HTR1F: variants seen among roughly 807,000 people sequenced by gnomAD.
HTR1F encodes 5-hydroxytryptamine (serotonin) receptor 1F, G protein-coupled.
In HTR1F, 17 loss-of-function variants were observed where a neutral mutation model predicts 24.0. The ratio of observed to expected loss-of-function variants is 0.71; its 90% CI spans 0.48 to 1.06. The LOEUF (loss-of-function observed/expected upper bound fraction) is 1.06. HTR1F is among the 50% of genes least tolerant of loss of function. The pLI is 0.00. For missense variants in HTR1F, 391 were observed against 427.8 expected (o/e 0.91, Z 0.76); for synonymous variants, 186 against 156.8 (o/e 1.19, Z -1.39).
At chr3:87,843,395 T>C (rs1365000927) in intron 2 of HTR1F, among the ~76,000 whole-genome samples, 1 of 151,856 alleles carries the variant, frequency 6.6e-6, no homozygotes, top group African/African-American at 2.4e-5. Flanking sequence ...TATAATTATG[T>C]CAGATGTTTA....
At chr3:87,891,556 A>G (rs1706087023) in intron 2 of HTR1F, among the ~76,000 whole-genome samples, 1 of 152,158 alleles carries the variant, frequency 6.6e-6, no homozygotes, top group Non-Finnish European at 1.5e-5. Flanking sequence ...AAACCCTTAC[A>G]TTGCTTTTCT....
chr3:87,814,211 C>T (rs894584860), intron 1 of HTR1F, among the ~76,000 whole-genome samples: 7 of 152,158 alleles, frequency 4.6e-5, no homozygotes, highest in Non-Finnish European at 8.8e-5. Context: ...AACATCATAA[C>T]CTAGTGTATG....
At chr3:87,804,130 A>G (rs1299653189) in intron 1 of HTR1F, among the ~76,000 whole-genome samples, 1 of 151,750 alleles carries the variant, frequency 6.6e-6, no homozygotes. Flanking sequence ...AATAATAATG[A>G]ATTGCAATAT....
chr3:87,974,668 T>A (rs1459082387), intron 2 of HTR1F, among the ~76,000 whole-genome samples: 1 of 152,202 alleles, frequency 6.6e-6, no homozygotes, highest in African/African-American at 2.4e-5. Flanking sequence ...TATTCATTTT[T>A]ATATCCAGAG....
At chr3:87,801,753 C>A (rs1164363302) in intron 1 of HTR1F, among the ~76,000 whole-genome samples, 1 of 152,104 alleles carries the variant, frequency 6.6e-6, no homozygotes, top group Non-Finnish European at 1.5e-5. Context: ...CAGCTTGCAG[C>A]TTGAGTTTTC....
At chr3:87,956,507 C>A (rs1288020578) in intron 2 of HTR1F, among the ~76,000 whole-genome samples, 3 of 151,318 alleles carry the variant, frequency 2.0e-5, no homozygotes, top group Non-Finnish European at 3.0e-5. Flanking sequence ...AATTTTGGAA[C>A]CAGCTTGCCA....
chr3:87,971,981 G>T (rs1475700479), intron 2 of HTR1F, among the ~76,000 whole-genome samples: 1 of 152,114 alleles, frequency 6.6e-6, no homozygotes, highest in Non-Finnish European at 1.5e-5. Flanking sequence ...TTGCCATATT[G>T]TCTCCATGGG....
At chr3:87,792,889 G>T (rs919441005) in intron 1 of HTR1F, among the ~76,000 whole-genome samples, 47 bp downstream of exon 1, 1 of 152,216 alleles carries the variant, frequency 6.6e-6, no homozygotes, top group Non-Finnish European at 1.5e-5. Flanking sequence ...GGTCACGCCC[G>T]CAGCTGGCGC....
chr3:87,797,473 C>A (rs138921403), intron 1 of HTR1F, among the ~76,000 whole-genome samples: 1 of 152,086 alleles, frequency 6.6e-6, no homozygotes, highest in African/African-American at 2.4e-5. Flanking sequence ...TCAAAATGAG[C>A]CTTTATATGA....
chr3:87,918,949 G>A (rs1486560697), intron 2 of HTR1F, among the ~76,000 whole-genome samples: 1 of 152,070 alleles, frequency 6.6e-6, no homozygotes, highest in African/African-American at 2.4e-5. Context: ...CAAATCTGGA[G>A]GCATCACATT....
intron 2 of HTR1F, among the ~76,000 whole-genome samples, chr3:87,958,256 T>A (rs1704986553): frequency 6.6e-6 from 1 of 151,648 alleles, no homozygotes; most frequent in South Asian, 2.1e-4. Context: ...AAAATTGTGT[T>A]GTTTAGATCC....
chr3:87,951,847 C>G (rs1314008584), intron 2 of HTR1F, among the ~76,000 whole-genome samples: 1 of 152,072 alleles, frequency 6.6e-6, no homozygotes, highest in Admixed American at 6.6e-5. Flanking sequence ...CTCCTGTTTC[C>G]TGGCAATCAG....
chr3:87,841,189 A>T (rs1704795056), intron 2 of HTR1F, among the ~76,000 whole-genome samples: 1 of 151,908 alleles, frequency 6.6e-6, no homozygotes, highest in South Asian at 2.1e-4. Flanking sequence ...GTACCCCATA[A>T]ATATATAATT....
intron 2 of HTR1F, among the ~76,000 whole-genome samples, chr3:87,909,029 T>G (rs1703722056): frequency 6.6e-6 from 1 of 152,076 alleles, no homozygotes; most frequent in Non-Finnish European, 1.5e-5. Context: ...TCTTTCCCAC[T>G]TCTGTGTATG....
intron 2 of HTR1F, among the ~76,000 whole-genome samples, chr3:87,858,890 C>T (rs1705256860): frequency 1.3e-5 from 2 of 152,144 alleles, no homozygotes; most frequent in African/African-American, 4.8e-5. Flanking sequence ...AGTGCATTTC[C>T]TTTGTTGAGT....
chr3:87,942,370 C>T (rs972200699), intron 2 of HTR1F, among the ~76,000 whole-genome samples: 11 of 152,122 alleles, frequency 7.2e-5, no homozygotes, highest in South Asian at 4.2e-4. Context: ...CTGAGAAGGC[C>T]GCACCTGTGT....
At chr3:87,968,491 C>A (rs1478671967) in intron 2 of HTR1F, among the ~76,000 whole-genome samples, 1 of 152,086 alleles carries the variant, frequency 6.6e-6, no homozygotes, top group Admixed American at 6.6e-5. Context: ...GGATTACAAG[C>A]ATGAACCACC....
intron 2 of HTR1F, among the ~76,000 whole-genome samples, chr3:87,854,743 T>A (rs1705161256): frequency 6.6e-6 from 1 of 152,114 alleles, no homozygotes; most frequent in Non-Finnish European, 1.5e-5. Flanking sequence ...AAATTGAATC[T>A]ACTGGTATAC....
At chr3:87,916,408 A>G (rs1703896343) in intron 2 of HTR1F, among the ~76,000 whole-genome samples, 1 of 151,982 alleles carries the variant, frequency 6.6e-6, no homozygotes, top group Admixed American at 6.6e-5. Context: ...TAAATGGCCT[A>G]AAGACTCCTC....
Sources: gnomAD v4.1 joint callset for allele counts (sites outside exome capture counted in the v4.1 genomes callset) on GRCh38, gnomAD v4.1.1 for gene constraint, MANE v1.5 for transcripts, NCBI Gene and HGNC (gene_info 2026-07-23, HGNC 2026-07-21) for gene names.